The following CRTC3 variants were observed in gnomAD, a reference collection of about 807,000 sequenced individuals.
The protein encoded by CRTC3 is CREB regulated transcription coactivator 3.
In CRTC3, 26 loss-of-function variants were observed where a neutral mutation model predicts 74.5. The ratio of observed to expected loss-of-function variants is 0.35; its 90% CI spans 0.26 to 0.48. CRTC3 has a LOEUF of 0.48. Ranked by LOEUF, CRTC3 falls within the 20% of genes least tolerant of loss-of-function variation. The pLI is 0.99. For missense variants in CRTC3, 760 were observed against 787.3 expected, an observed-to-expected ratio of 0.97 and a Z score of 0.41; for synonymous variants, 377 against 325.8, an observed-to-expected ratio of 1.16 and a Z score of -1.69.
chr15:90,591,988 T>A (rs1358429862), intron 2 of CRTC3, among the ~76,000 whole-genome samples: 1 of 152,250 alleles, frequency 6.6e-6, no homozygotes, highest in Non-Finnish European at 1.5e-5. Context: ...CTTGGTAAGA[T>A]AACTTTATTT....
intron 3 of CRTC3, chr15:90,596,194 C>G (rs186733983): frequency 6.6e-6 from 1 of 152,294 alleles, no homozygotes; most frequent in Non-Finnish European, 1.5e-5. Flanking sequence ...TTCTTGAGTT[C>G]ACAGTCCTGT....
intron 11 of CRTC3, among the ~76,000 whole-genome samples, chr15:90,633,766 C>T (rs7178587): frequency 0.94 from 142,748 of 152,044 alleles, 67,201 homozygotes; most frequent in Middle Eastern, 0.99. Context: ...TTATCCTTAT[C>T]TTCTCTCTCT....
chr15:90,605,434 C>T (rs149935591), intron 5 of CRTC3, among the ~76,000 whole-genome samples: 1 of 152,296 alleles, frequency 6.6e-6, no homozygotes, highest in Non-Finnish European at 1.5e-5. Context: ...CTTGAAATGT[C>T]TCCAGCAGTT....
At chr15:90,545,883 T>A (rs1567161160) in intron 2 of CRTC3, among the ~76,000 whole-genome samples, 3 of 152,298 alleles carry the variant, frequency 2.0e-5, no homozygotes, top group South Asian at 4.1e-4. Flanking sequence ...TGGCCTTGTC[T>A]AGTTTTTAAA....
At chr15:90,635,442 C>T (rs372086885) in intron 11 of CRTC3, among the ~76,000 whole-genome samples, 8 of 152,076 alleles carry the variant, frequency 5.3e-5, no homozygotes, top group East Asian at 1.9e-4. Flanking sequence ...GTCAGGAGTT[C>T]GAGACCAGCC....
chr15:90,631,758 AAAAG>A lies in CRTC3; in HGVS notation c.1266+2234_1266+2237del, dbSNP rs747482143. Among the ~76,000 whole-genome samples, 6 of 151,580 alleles carry A rather than the reference AAAAG, an allele frequency of 4.0e-5. 1 individual carries two copies. In the East Asian group the frequency reaches 5.8e-4, roughly 15 times the overall value. ...AAAAAAAAATTAGAATTAAAAAAAGAAAAGAAAGAAATAGGGTCTCCCTATGTTT... is the reference window on the plus strand; with the variant it reads ...AAAAAAAAATTAGAATTAAAAAAAGAAAAGAAATAGGGTCTCCCTATGTTT... On this transcript the variant is annotated intron_variant, in intron 11 of 14. Coordinates refer to ENST00000268184, the MANE Select transcript of CRTC3 (RefSeq NM_022769.5).
chr15:90,593,613 CTCT>C lies in CRTC3; in HGVS notation c.232-17_232-15del, dbSNP rs749168404. 1.3e-6 allele frequency: 2 copies of C among 1,589,712 alleles called. No homozygotes were observed. Among genetic ancestry groups the C allele is most frequent in the Non-Finnish European group, 1.7e-6 (2 of 1,160,026 alleles). ...TGTCAATTTCATGGTTGGAGGCCAA[CTCT>C]TCTTCCCTTCTCTCTGCAGCCGTCA... On this transcript the variant is annotated intron_variant, in intron 2 of 14. Transcript: ENST00000268184.
At chr15:90,603,218 C>T (rs1399891532) in intron 4 of CRTC3, among the ~76,000 whole-genome samples, 5 of 151,728 alleles carry the variant, frequency 3.3e-5, no homozygotes, top group East Asian at 2.0e-4. Flanking sequence ...CCAAGGCGGG[C>T]AGATCACAAG....
chr15:90,534,617 G>A (rs895563662), intron 1 of CRTC3, among the ~76,000 whole-genome samples: 6 of 152,144 alleles, frequency 3.9e-5, no homozygotes, highest in Non-Finnish European at 7.4e-5. Context: ...GGATTTTATA[G>A]TAAAATCTGG....
intron 11 of CRTC3, among the ~76,000 whole-genome samples, chr15:90,637,404 T>C (rs942666318): frequency 2.6e-5 from 4 of 151,928 alleles, no homozygotes; most frequent in Non-Finnish European, 4.4e-5. Flanking sequence ...GGGCCTGTTG[T>C]GGGATGCGGG....
At chr15:90,542,581 A>G (rs1423956015) in intron 2 of CRTC3, among the ~76,000 whole-genome samples, 1 of 152,202 alleles carries the variant, frequency 6.6e-6, no homozygotes, top group African/African-American at 2.4e-5. Context: ...GTTGTTCTAT[A>G]TAACCAAAAT....
At chr15:90,607,656 C>T (rs1197257683) in intron 6 of CRTC3, among the ~76,000 whole-genome samples, 178 bp downstream of exon 6, 3 of 152,282 alleles carry the variant, frequency 2.0e-5, no homozygotes, top group Admixed American at 1.3e-4. Flanking sequence ...GAGCTCCCAG[C>T]GTCCCCTGCC....
intron 2 of CRTC3, among the ~76,000 whole-genome samples, chr15:90,575,756 TC>T (rs1469742086): frequency 6.6e-6 from 1 of 152,230 alleles, no homozygotes; most frequent in Non-Finnish European, 1.5e-5. Flanking sequence ...TAAGATTAAT[TC>T]ACTTTCATGC....
At chr15:90,641,770 C>G (rs1477762690) in intron 14 of CRTC3, among the ~76,000 whole-genome samples, 162 bp from the exon 15 acceptor site, 1 of 152,088 alleles carries the variant, frequency 6.6e-6, no homozygotes, top group Non-Finnish European at 1.5e-5. Context: ...GTGCAACTGA[C>G]TGACAAGAAT....
intron 6 of CRTC3, among the ~76,000 whole-genome samples, chr15:90,609,403 A>C (rs917271400): frequency 3.3e-5 from 5 of 152,214 alleles, no homozygotes; most frequent in Non-Finnish European, 5.9e-5. Context: ...GCCTAAAAAA[A>C]GCAGAGGCTG....
intron 11 of CRTC3, among the ~76,000 whole-genome samples, chr15:90,634,379 C>G (rs1969157540): frequency 6.6e-6 from 1 of 152,166 alleles, no homozygotes; most frequent in Non-Finnish European, 1.5e-5. Context: ...CTCCCAAAGT[C>G]TGAGATTACA....
rs141199543 is a variant in CRTC3 at position 90,608,099 on chromosome 15, C to T, written c.577+621C>T. Among the ~76,000 whole-genome samples, 224 of 152,154 alleles carry T rather than the reference C, an allele frequency of 1.5e-3. 3 individuals are homozygous for T. The highest frequency in any genetic ancestry group is 4.8e-3 in the African/African-American group (199 of 41,520). Reference sequence around the variant, plus strand: ...GCCTTGAGATGGGGGAAGAGGAGGTCGGGCTGGAACTGTGCATCACCTGCT... The same window carrying T: ...GCCTTGAGATGGGGGAAGAGGAGGTTGGGCTGGAACTGTGCATCACCTGCT... On this transcript the variant is annotated intron_variant, in intron 6 of 14. Transcript: ENST00000268184.
At chr15:90,547,515 A>G (rs533352883) in intron 2 of CRTC3, among the ~76,000 whole-genome samples, 97 of 152,316 alleles carry the variant, frequency 6.4e-4, no homozygotes, top group Admixed American at 1.6e-3. Context: ...TTCTAACCCA[A>G]TGAGCCCTTA....
chr15:90,544,781 C>G (rs1966841540), intron 2 of CRTC3, among the ~76,000 whole-genome samples: 1 of 152,188 alleles, frequency 6.6e-6, no homozygotes, highest in Admixed American at 6.5e-5. Flanking sequence ...TGTATCTGCT[C>G]TAGCACTTGG....
Sources: gnomAD v4.1 joint callset for allele counts (sites outside exome capture counted in the v4.1 genomes callset) on GRCh38, gnomAD v4.1.1 for gene constraint, MANE v1.5 for transcripts, NCBI Gene and HGNC (gene_info 2026-07-23, HGNC 2026-07-21) for gene names.